Variants in ZNF552 observed in about 807,000 individuals in gnomAD.
ZNF552 encodes the protein zinc finger protein 552.
Under a neutral mutation model 7.2 loss-of-function variants are expected in ZNF552, and 2 were observed. That is an observed-to-expected ratio of 0.28 (90% CI 0.11 to 0.88). The LOEUF (loss-of-function observed/expected upper bound fraction) is 0.88. Ranked by LOEUF, ZNF552 falls within the 40% of genes least tolerant of loss-of-function variation. The pLI is 0.60. For missense variants in ZNF552, 421 were observed against 493.4 expected, an observed-to-expected ratio of 0.85 and a Z score of 1.39; for synonymous variants, 173 against 176.5, an observed-to-expected ratio of 0.98 and a Z score of 0.16.
Position 57,807,838 on chromosome 19 carries a change from A to T in ZNF552, c.*202T>A. 1 of 775,486 alleles carries T rather than the reference A, an allele frequency of 1.3e-6. No homozygotes were observed. Among genetic ancestry groups the T allele is most frequent in the Non-Finnish European group, 1.9e-6 (1 of 522,150 alleles). 48.0% of individuals were successfully genotyped at this position (775,486 alleles called of 1,614,324 possible). On this transcript the variant is annotated 3_prime_UTR_variant, in exon 3 of 3. Transcript: ENST00000391701. ...CTAGTAAGGCCTTCATTCAGTGTTA[A>T]CTATAATCCTGAAGGAATACAGAGG...
chr19:57,812,850 T>C (rs1600091928), intron 2 of ZNF552, among the ~76,000 whole-genome samples: 2 of 152,204 alleles, frequency 1.3e-5, no homozygotes, highest in East Asian at 3.8e-4. Flanking sequence ...ATTATAGGCA[T>C]GAGCCACTGC....
rs760088031 is a variant in ZNF552 at position 57,808,163 on chromosome 19, G to A, written c.1101C>T (p.Leu367=). 2.5e-6 allele frequency: 4 copies of A among 1,614,174 alleles called. No individual in the cohort carries two copies. The highest frequency in any genetic ancestry group is 2.2e-5 in the East Asian group (1 of 44,882). The change falls in exon 3 of 3, where the codon CTC becomes CTT. Residue 367 remains leucine, a synonymous_variant. Coordinates refer to ENST00000391701, the MANE Select transcript of ZNF552 (RefSeq NM_024762.3). ...CGKSFAESSS[L]TKHRRVHTGE... is the part of the protein sequence containing the mutation. ...CAGTGTGAACTCTCCTGTGTTTAGT[G>A]AGACTGGAGCTTTCGGCAAAAGATT...
chr19:57,809,014 C>G lies in ZNF552; in HGVS notation c.250G>C (p.Gly84Arg). The G allele has an allele frequency of 6.4e-7, 1 of 1,566,616 alleles. No individual in the cohort carries two copies. Among genetic ancestry groups the G allele is most frequent in the Middle Eastern group, 2.1e-4 (1 of 4,860 alleles). The change falls in exon 3 of 3, where the codon GGT becomes CGT. Residue 84 changes from glycine (G) to arginine (R), a missense_variant. Coordinates refer to ENST00000391701, the MANE Select transcript of ZNF552 (RefSeq NM_024762.3). ...GGGTGGGCCTTCTTGGGAGACACAC[C>G]TGCCATAGGAGTCCTGACCTGAGTC... is the stretch of plus-strand genomic sequence containing the variant. ...RETQVRTPMA[G>R]VSPKKAHPCE...
intron 1 of ZNF552, chr19:57,814,458 G>A: frequency 1.3e-6 from 2 of 1,497,610 alleles, no homozygotes; most frequent in South Asian, 1.2e-5. Context: ...GTTCCCTACA[G>A]GCGCCTGTGG....
intron 2 of ZNF552, among the ~76,000 whole-genome samples, chr19:57,811,862 C>T (rs1987864913): frequency 6.6e-6 from 1 of 151,354 alleles, no homozygotes; most frequent in Admixed American, 6.6e-5. Flanking sequence ...AACCCCATCT[C>T]TACTAAAAAT....
rs1600092937 is a variant in ZNF552, at chr19:57,814,802, T to A, written c.-59A>T. 1 of 1,546,992 alleles carries A rather than the reference T, an allele frequency of 6.5e-7. No individual in the cohort carries two copies. The highest frequency in any genetic ancestry group is 8.9e-7 in the Non-Finnish European group (1 of 1,127,178). On this transcript the variant is annotated 5_prime_UTR_variant, in exon 1 of 3. Transcript: ENST00000391701. ...CGGGCGCCGTTAAAGAGCTGCAGAG[T>A]CACGTCTGTGCAAAGAGAAGAACGA... is the stretch of plus-strand genomic sequence containing the variant.
chr19:57,810,138 G>A, intron 2 of ZNF552, among the ~76,000 whole-genome samples: 1 of 151,602 alleles, frequency 6.6e-6, no homozygotes, highest in East Asian at 1.9e-4. Context: ...GGAGAGGAGA[G>A]GGGAGGGAAA....
Position 57,807,812 on chromosome 19 carries a change from A to C in ZNF552, c.*228T>G. The C allele has an allele frequency of 1.7e-6, 1 of 575,594 alleles. No individual in the cohort carries two copies. Among genetic ancestry groups the C allele is most frequent in the Non-Finnish European group, 2.7e-6 (1 of 366,250 alleles). 35.7% of individuals were successfully genotyped at this position (575,594 alleles called of 1,614,324 possible). ...TGGATAAATATCCTGTATTTGTCAC[A>C]CTAGTAAGGCCTTCATTCAGTGTTA... is the stretch of plus-strand genomic sequence containing the variant. On this transcript the variant is annotated 3_prime_UTR_variant, in exon 3 of 3. Coordinates refer to ENST00000391701, the MANE Select transcript of ZNF552 (RefSeq NM_024762.3).
rs752839342 is a variant in ZNF552 at position 57,808,177 on chromosome 19, C to T, written c.1087G>A (p.Glu363Lys). 34 of 1,613,760 alleles carry T rather than the reference C, an allele frequency of 2.1e-5. No individual in the cohort carries two copies. In the South Asian group the frequency reaches 3.0e-4, roughly 14 times the overall value. The change falls in exon 3 of 3, where the codon GAA (glutamate) becomes AAA (lysine). Residue 363 changes from glutamate to lysine, a missense_variant. Glu to Lys is a moderately conservative substitution (Grantham distance 56). Coordinates refer to ENST00000391701, the MANE Select transcript of ZNF552 (RefSeq NM_024762.3). Reference protein sequence around the residue: ...ECSECGKSFAESSSLTKHRRV... With the variant: ...ECSECGKSFAKSSSLTKHRRV... ...CTGTGTTTAGTGAGACTGGAGCTTTCGGCAAAAGATTTCCCACATTCACTG... is the reference window on the plus strand; with the variant it reads ...CTGTGTTTAGTGAGACTGGAGCTTTTGGCAAAAGATTTCCCACATTCACTG...
chr19:57,811,526 G>A (rs927559772), intron 2 of ZNF552, among the ~76,000 whole-genome samples: 1 of 151,872 alleles, frequency 6.6e-6, no homozygotes, highest in African/African-American at 2.4e-5. Context: ...CATTCCACCT[G>A]ACGAGAAACA....
rs1987773338 is a variant in ZNF552, at chr19:57,807,983, C to T, written c.*57G>A. ...ACATTTTCCACATTTGCTGCAATCA[C>T]AGGATCTTACTCAGGTGTGTATTCT... On this transcript the variant is annotated 3_prime_UTR_variant, in exon 3 of 3. Coordinates refer to ENST00000391701, the MANE Select transcript of ZNF552 (RefSeq NM_024762.3). 5 of 1,518,244 alleles carry T rather than the reference C, an allele frequency of 3.3e-6. No individual in the cohort carries two copies. Among genetic ancestry groups the T allele is most frequent in the East Asian group, 4.5e-5 (2 of 44,192 alleles). 94.0% of individuals were successfully genotyped at this position (1,518,244 alleles called of 1,614,324 possible). A position where few individuals can be genotyped will look rare whatever the true frequency, so the allele number is the denominator to read the frequency against.
chr19:57,808,429 T>G lies in ZNF552; in HGVS notation c.835A>C (p.Ser279Arg), dbSNP rs1300496227. 2 of 1,613,984 alleles carry G rather than the reference T, an allele frequency of 1.2e-6. No individual in the cohort carries two copies. Among genetic ancestry groups the G allele is most frequent in the Non-Finnish European group, 1.7e-6 (2 of 1,179,930 alleles). Residue 279 changes from serine to arginine, a missense_variant, in exon 3 of 3, where the codon AGT (serine) becomes CGT (arginine). Ser to Arg is a moderately radical substitution (Grantham distance 110). Transcript: ENST00000391701. Reference sequence around the variant, plus strand: ...TGGTGTACAAGGAGGTGGGACTTACTGTTAAATAATTTCCCACATATCCCA... The same window carrying G: ...TGGTGTACAAGGAGGTGGGACTTACGGTTAAATAATTTCCCACATATCCCA... ...TCGICGKLFN[S>R]KSHLLVHQRI...
rs957775996 is a variant in ZNF552, at chr19:57,814,904, G to A, written c.-161C>T. 3 of 754,046 alleles carry A rather than the reference G, an allele frequency of 4.0e-6. No individual in the cohort carries two copies. The highest frequency in any genetic ancestry group is 3.8e-5 in the South Asian group (2 of 52,730). 46.7% of individuals were successfully genotyped at this position (754,046 alleles called of 1,614,324 possible). A position where few individuals can be genotyped will look rare whatever the true frequency, so the allele number is the denominator to read the frequency against. ...AGGACTCCCTAACGCCAATGGAAATGGTCGCTACTAAAGGGCGCCGGGAGT... is the reference window on the plus strand; with the variant it reads ...AGGACTCCCTAACGCCAATGGAAATAGTCGCTACTAAAGGGCGCCGGGAGT... On this transcript the variant is annotated 5_prime_UTR_variant, in exon 1 of 3. Coordinates refer to ENST00000391701, the MANE Select transcript of ZNF552 (RefSeq NM_024762.3).
Position 57,814,757 on chromosome 19 carries a change from G to A in ZNF552, c.-14C>T. 6.2e-7 allele frequency: 1 copy of A among 1,600,242 alleles called. No individual in the cohort carries two copies. Among genetic ancestry groups the A allele is most frequent in the Non-Finnish European group, 8.5e-7 (1 of 1,173,108 alleles). ...GGCCGCCGCCATGGGACCACGTGGG[G>A]TAAGCTGGGTTGAGAGCAGCGGGCG... On this transcript the variant is annotated 5_prime_UTR_variant, in exon 1 of 3. Coordinates refer to ENST00000391701, the MANE Select transcript of ZNF552 (RefSeq NM_024762.3).
At chr19:57,814,597 G>A (rs757940309) in intron 1 of ZNF552, 114 bp downstream of exon 1, 7 of 1,586,978 alleles carry the variant, frequency 4.4e-6, no homozygotes, top group Non-Finnish European at 2.6e-6. Flanking sequence ...GAGCGCCTCA[G>A]TGTCCCGACG....
rs1341173535 is a variant in ZNF552, at chr19:57,808,214, C to T, written c.1050G>A (p.Lys350=). Residue 350 remains lysine, a synonymous_variant, in exon 3 of 3, where the codon AAG becomes AAA. Transcript: ENST00000391701. ...RVHKRVHTGQ[K]PYECSECGKS... ...TCCCACATTCACTGCACTCATAAGG[C>T]TTCTGACCAGTGTGAACTCTCTTAT... 6.2e-7 allele frequency: 1 copy of T among 1,614,122 alleles called. No individual in the cohort carries two copies. Among genetic ancestry groups the T allele is most frequent in the Non-Finnish European group, 8.5e-7 (1 of 1,180,030 alleles).
chr19:57,808,752 A>C lies in ZNF552; in HGVS notation c.512T>G (p.Phe171Cys), dbSNP rs1264355759. The C allele has an allele frequency of 6.2e-6, 10 of 1,614,004 alleles. No homozygotes were observed. Among genetic ancestry groups the C allele is most frequent in the Non-Finnish European group, 8.5e-6 (10 of 1,180,034 alleles). Reference protein sequence around the residue: ...KLHVSGESSVFSESGKDFLLR... With the variant: ...KLHVSGESSVCSESGKDFLLR... ...CAAAAAGTCTTTCCCACTCTCACTG[A>C]AGACAGATGACTCCCCTGACACATG... Residue 171 changes from phenylalanine (F) to cysteine (C), a missense_variant, in exon 3 of 3, where the codon TTC (phenylalanine) becomes TGC (cysteine). Phe to Cys is a radical substitution (Grantham distance 205, BLOSUM62 -2). Transcript: ENST00000391701.
Position 57,814,909 on chromosome 19 carries a change from C to T in ZNF552, c.-166G>A. ...TCCCTAACGCCAATGGAAATGGTCGCTACTAAAGGGCGCCGGGAGTCCCGC... is the reference window on the plus strand; with the variant it reads ...TCCCTAACGCCAATGGAAATGGTCGTTACTAAAGGGCGCCGGGAGTCCCGC... On this transcript the variant is annotated 5_prime_UTR_variant, in exon 1 of 3. Coordinates refer to ENST00000391701, the MANE Select transcript of ZNF552 (RefSeq NM_024762.3). 1 of 721,568 alleles carries T rather than the reference C, an allele frequency of 1.4e-6. No homozygotes were observed. Among genetic ancestry groups the T allele is most frequent in the South Asian group, 2.0e-5 (1 of 50,908 alleles). The allele number at this position is 721,568 out of a possible 1,614,324, so 44.7% of individuals were successfully genotyped here.
Position 57,812,846 on chromosome 19 carries a change from G to A in ZNF552, c.160+448C>T, listed in dbSNP as rs183085570. Among the ~76,000 whole-genome samples, 549 of 152,308 alleles carry A rather than the reference G, an allele frequency of 3.6e-3. 2 individuals are homozygous for A. The highest frequency in any genetic ancestry group is 0.013 in the African/African-American group (526 of 41,552). ...GGCCTCCCTGAGTGCAGAAATTATA[G>A]GCATGAGCCACTGCACCAGACCTAT... On this transcript the variant is annotated intron_variant, in intron 2 of 2. Transcript: ENST00000391701.
Sources: allele counts gnomAD v4.1 joint callset (sites outside exome capture counted in the v4.1 genomes callset), GRCh38; gene constraint gnomAD v4.1.1; transcripts MANE v1.5; gene names NCBI Gene and HGNC (gene_info 2026-07-23, HGNC 2026-07-21).